The following METTL25 variants were observed in gnomAD, a reference collection of about 807,000 sequenced individuals.
The protein encoded by METTL25 is probable methyltransferase-like protein 25.
METTL25 carries 64 observed loss-of-function variants against 71.6 expected under a neutral mutation model. That is an observed-to-expected ratio of 0.89 (90% confidence interval 0.73 to 1.10). The LOEUF (loss-of-function observed/expected upper bound fraction) is 1.10. Ranked by LOEUF, METTL25 falls within the 50% of genes least tolerant of loss-of-function variation. METTL25 has a pLI of 0.00. For missense variants in METTL25, 807 were observed against 707.0 expected (o/e 1.14, Z -1.60); for synonymous variants, 287 against 250.3 (o/e 1.15, Z -1.38).
At chr12:82,392,839 ATTC>A (rs1392790305) in intron 3 of METTL25, among the ~76,000 whole-genome samples, 1 of 152,030 alleles carries the variant, frequency 6.6e-6, no homozygotes, top group Admixed American at 6.6e-5. Context: ...GTCTAGTTTC[ATTC>A]TTCTGCTTAT....
chr12:82,453,981 G>A (rs927142350), intron 8 of METTL25, among the ~76,000 whole-genome samples: 2 of 152,034 alleles, frequency 1.3e-5, no homozygotes, highest in African/African-American at 4.8e-5. Flanking sequence ...TTCTGAGCAT[G>A]TATGCAAAAA....
intron 7 of METTL25, among the ~76,000 whole-genome samples, chr12:82,436,408 C>A (rs1027989672): frequency 5.3e-5 from 8 of 151,488 alleles, no homozygotes; most frequent in Admixed American, 4.6e-4. Context: ...CTGGCCACAT[C>A]CAGTTTGTTC....
chr12:82,423,492 T>C (rs4612886), intron 5 of METTL25, among the ~76,000 whole-genome samples: 151,810 of 152,314 alleles, frequency 1, 75,656 homozygotes, highest in Middle Eastern at 1. Context: ...GCAAGGACTT[T>C]ATGACTAAAA....
intron 5 of METTL25, among the ~76,000 whole-genome samples, chr12:82,420,735 A>T (rs1592693794): frequency 6.6e-6 from 1 of 152,166 alleles, no homozygotes; most frequent in East Asian, 1.9e-4. Flanking sequence ...GCACAAGCAG[A>T]TCATGTAGGA....
chr12:82,383,665 A>G (rs757670916), intron 1 of METTL25, among the ~76,000 whole-genome samples: 1 of 152,214 alleles, frequency 6.6e-6, no homozygotes. Flanking sequence ...AAAGTGCTGT[A>G]TAACATTCAA....
chr12:82,360,090 A>G (rs1462994780), intron 1 of METTL25, among the ~76,000 whole-genome samples: 1 of 152,210 alleles, frequency 6.6e-6, no homozygotes, highest in African/African-American at 2.4e-5. Flanking sequence ...TACATTAGAT[A>G]CTGGATGAAT....
chr12:82,474,016 A>C (rs189699030), intron 9 of METTL25, among the ~76,000 whole-genome samples: 90 of 152,192 alleles, frequency 5.9e-4, no homozygotes, highest in Non-Finnish European at 9.6e-4. Context: ...TGTGCTGTAG[A>C]AGCTTGGCAT....
intron 6 of METTL25, among the ~76,000 whole-genome samples, chr12:82,432,855 G>T (rs1889622421): frequency 1.9e-5 from 2 of 104,622 alleles, no homozygotes; most frequent in African/African-American, 3.5e-5. Context: ...ATCTTAAGTG[G>T]TCTTCTTTAA....
At chr12:82,432,663 G>A (rs1267418338) in intron 6 of METTL25, among the ~76,000 whole-genome samples, 2 of 151,488 alleles carry the variant, frequency 1.3e-5, no homozygotes, top group Admixed American at 1.3e-4. Context: ...GCCTTAACTT[G>A]CCCTGATCAA....
chr12:82,373,130 A>G (rs1053812279), intron 1 of METTL25, among the ~76,000 whole-genome samples: 1 of 152,238 alleles, frequency 6.6e-6, no homozygotes, highest in South Asian at 2.1e-4. Context: ...TTAGAGTCCT[A>G]AGCGTTCTCC....
At chr12:82,428,848 A>C (rs565728903) in intron 5 of METTL25, among the ~76,000 whole-genome samples, 15 of 151,874 alleles carry the variant, frequency 9.9e-5, no homozygotes, top group Non-Finnish European at 1.9e-4. Flanking sequence ...GAAGCTAGTT[A>C]ATACATTTAA....
In METTL25 at chr12:82,375,463, GTTCTT is replaced by G. The variant is rs1476342085; in HGVS notation, c.260-11338_260-11334del. Among the ~76,000 whole-genome samples the G allele has an allele frequency of 9.9e-3, 1,500 of 151,798 alleles. 21 individuals are homozygous for G. The highest frequency in any genetic ancestry group is 0.034 in the African/African-American group (1,414 of 41,362). On this transcript the variant is annotated intron_variant, in intron 1 of 11. Coordinates refer to ENST00000248306, the MANE Select transcript of METTL25 (RefSeq NM_032230.3). ...TGAGGAAAAAAAAAAATATATATAT[GTTCTT>G]TATAAATTACCCAGTCTCAAGTATT...
At chr12:82,411,549 T>C (rs889956558) in intron 5 of METTL25, among the ~76,000 whole-genome samples, 1 of 151,314 alleles carries the variant, frequency 6.6e-6, no homozygotes, top group Non-Finnish European at 1.5e-5. Context: ...AAATTATAAA[T>C]GGTAAGAAAA....
chr12:82,381,163 A>AC (rs925140438), intron 1 of METTL25, among the ~76,000 whole-genome samples: 3 of 152,194 alleles, frequency 2.0e-5, no homozygotes, highest in African/African-American at 4.8e-5. Context: ...CATGGTAGGT[A>AC]CCCCTGAATT....
Position 82,430,993 on chromosome 12 carries a change from G to T in METTL25, c.1374+6G>T. On this transcript the variant is annotated splice_donor_region_variant and intron_variant, in intron 6 of 11. Coordinates refer to ENST00000248306, the MANE Select transcript of METTL25 (RefSeq NM_032230.3). ...CCAGAATGTCAGCATGTTTGGTATGGTTATATTTTTTCCTGGAGTAACAGC... is the reference window on the plus strand; with the variant it reads ...CCAGAATGTCAGCATGTTTGGTATGTTTATATTTTTTCCTGGAGTAACAGC... The T allele has an allele frequency of 6.4e-7, 1 of 1,563,730 alleles. No individual in the cohort carries two copies. Among genetic ancestry groups the T allele is most frequent in the Non-Finnish European group, 8.7e-7 (1 of 1,144,070 alleles).
intron 7 of METTL25, among the ~76,000 whole-genome samples, chr12:82,436,579 C>T (rs1889932296): frequency 6.6e-6 from 1 of 151,526 alleles, no homozygotes; most frequent in East Asian, 1.9e-4. Flanking sequence ...AGCTGTAAAG[C>T]TCTTATTTAC....
chr12:82,453,196 A>G (rs1445382952), intron 8 of METTL25, among the ~76,000 whole-genome samples: 1 of 152,160 alleles, frequency 6.6e-6, no homozygotes, highest in Non-Finnish European at 1.5e-5. Flanking sequence ...TTTAATTGTT[A>G]GAATTATTTA....
In METTL25 at chr12:82,431,030, G is replaced by A. The variant is rs773301897; in HGVS notation, c.1374+43G>A. 5.4e-5 allele frequency: 71 copies of A among 1,327,086 alleles called. No individual in the cohort carries two copies. The Admixed American group carries it at 9.7e-4, about 18-fold the overall frequency. 82.2% of individuals were successfully genotyped at this position (1,327,086 alleles called of 1,614,324 possible). The stretch of plus-strand genomic sequence containing the variant: ...CCTGGAGTAACAGCTTTATCCAGAT[G>A]TTGTAGAATTTATTATTTTTGGCTA... On this transcript the variant is annotated intron_variant, in intron 6 of 11. Coordinates refer to ENST00000248306, the MANE Select transcript of METTL25 (RefSeq NM_032230.3).
At chr12:82,424,856 C>T (rs1888871827) in intron 5 of METTL25, among the ~76,000 whole-genome samples, 1 of 151,912 alleles carries the variant, frequency 6.6e-6, no homozygotes, top group Admixed American at 6.6e-5. Context: ...ACAAGGATTG[C>T]TAGTAATCAC....
Sources: gnomAD v4.1 joint callset for allele counts (sites outside exome capture counted in the v4.1 genomes callset) on GRCh38, gnomAD v4.1.1 for gene constraint, MANE v1.5 for transcripts, NCBI Gene and HGNC (gene_info 2026-07-23, HGNC 2026-07-21) for gene names.